The following ACER2 variants were observed in gnomAD, a reference collection of about 807,000 sequenced individuals.
ACER2 encodes alkaline ceramidase 2, also known as alkCDase 2.
In ACER2, 26 loss-of-function variants were observed where a neutral mutation model predicts 34.7. The ratio of observed to expected loss-of-function variants is 0.75; its 90% confidence interval spans 0.55 to 1.04. The LOEUF (loss-of-function observed/expected upper bound fraction) is 1.04. Among genes scored for constraint, ACER2 ranks in the 50% least tolerant of loss-of-function variants. The probability of loss-of-function intolerance (pLI) is 0.00; values close to 1 mark genes in which losing one functional copy is unlikely to be tolerated. For synonymous variants in ACER2, 138 were observed against 132.1 expected (o/e 1.04, Z -0.31); for missense variants, 352 against 340.8 (o/e 1.03, Z -0.26).
intron 1 of ACER2, among the ~76,000 whole-genome samples, chr9:19,409,496 C>A (rs2132447295): frequency 6.6e-6 from 1 of 152,236 alleles, no homozygotes; most frequent in South Asian, 2.1e-4. Flanking sequence ...AGCCCATTCT[C>A]CTTGTTTGGG....
At chr9:19,442,991 C>T (rs1831208344) in intron 4 of ACER2, among the ~76,000 whole-genome samples, 1 of 150,214 alleles carries the variant, frequency 6.7e-6, no homozygotes, top group Non-Finnish European at 1.5e-5. Flanking sequence ...TGCCATCATG[C>T]CCGGCTAATT....
At chr9:19,440,075 C>G (rs1831102491) in intron 4 of ACER2, among the ~76,000 whole-genome samples, 1 of 152,174 alleles carries the variant, frequency 6.6e-6, no homozygotes, top group Admixed American at 6.5e-5. Context: ...AAATCCCTCT[C>G]TATAGGCTAT....
chr9:19,433,891 G>A (rs1830848372), intron 3 of ACER2, among the ~76,000 whole-genome samples: 2 of 151,884 alleles, frequency 1.3e-5, no homozygotes, highest in South Asian at 4.1e-4. Flanking sequence ...CCCGGACGGG[G>A]CGGCTGGCCG....
intron 4 of ACER2, among the ~76,000 whole-genome samples, chr9:19,444,191 T>C (rs938065446): frequency 2.2e-5 from 3 of 137,890 alleles, no homozygotes; most frequent in Non-Finnish European, 4.7e-5. Flanking sequence ...AAAAAGAAAG[T>C]CGCAAAAAAA....
intron 3 of ACER2, among the ~76,000 whole-genome samples, chr9:19,430,417 A>G (rs1830716407): frequency 6.6e-6 from 1 of 152,172 alleles, no homozygotes; most frequent in Non-Finnish European, 1.5e-5. Flanking sequence ...GCTGTCATCA[A>G]TCACAGTTTA....
At chr9:19,417,620 G>A (rs1253079981) in intron 1 of ACER2, among the ~76,000 whole-genome samples, 2 of 152,180 alleles carry the variant, frequency 1.3e-5, no homozygotes, top group Non-Finnish European at 2.9e-5. Flanking sequence ...ATGGGGAAAG[G>A]ATTCCCTATT....
chr9:19,418,243 TTGG>T (rs1267879601), intron 1 of ACER2, among the ~76,000 whole-genome samples: 2 of 152,180 alleles, frequency 1.3e-5, no homozygotes, highest in Non-Finnish European at 2.9e-5. Flanking sequence ...TTTTACACTG[TTGG>T]TGGGAGTGTA....
chr9:19,435,342 C>G (rs375573499), intron 4 of ACER2, among the ~76,000 whole-genome samples: 1 of 152,096 alleles, frequency 6.6e-6, no homozygotes, highest in Non-Finnish European at 1.5e-5. Flanking sequence ...CATCTCAGTA[C>G]CTAGATCAAG....
rs1831326574 is a variant in ACER2 at position 19,445,556 on chromosome 9, TGACATTTGA to T, written c.504-723_504-715del. ...TAGCATCAGGAAAAGGCTTACTGAG[TGACATTTGA>T]GCAAAGATTTACATGTGAGGGAAGA... On this transcript the variant is annotated intron_variant, in intron 4 of 5. Transcript: ENST00000340967. Among the ~76,000 whole-genome samples the T allele has an allele frequency of 2.6e-5, 4 of 152,168 alleles. 1 individual carries two copies. In the South Asian group the frequency reaches 8.3e-4, roughly 32 times the overall value.
chr9:19,412,241 T>C (rs1179419481), intron 1 of ACER2, among the ~76,000 whole-genome samples: 1 of 152,210 alleles, frequency 6.6e-6, no homozygotes, highest in Non-Finnish European at 1.5e-5. Context: ...GTAAAAGTAA[T>C]ATGATCATGG....
intron 4 of ACER2, among the ~76,000 whole-genome samples, chr9:19,439,923 GGA>G (rs1831094577): frequency 6.6e-6 from 1 of 151,952 alleles, no homozygotes; most frequent in African/African-American, 2.4e-5. Context: ...GTGGAGATGT[GGA>G]GATCACGCCA....
chr9:19,418,690 T>A (rs1003874403), intron 1 of ACER2, among the ~76,000 whole-genome samples: 1 of 151,838 alleles, frequency 6.6e-6, no homozygotes, highest in African/African-American at 2.4e-5. Context: ...ACCGGGGCCT[T>A]TTGAGGGGTA....
At chr9:19,447,771 T>G (rs1831415517) in intron 5 of ACER2, among the ~76,000 whole-genome samples, 1 of 152,194 alleles carries the variant, frequency 6.6e-6, no homozygotes, top group Admixed American at 6.5e-5. Flanking sequence ...TTCTGCTTTG[T>G]TTTTCAAAGT....
chr9:19,434,501 C>G (rs1449836722), intron 3 of ACER2, among the ~76,000 whole-genome samples: 2 of 152,242 alleles, frequency 1.3e-5, no homozygotes, highest in Non-Finnish European at 2.9e-5. Flanking sequence ...CTGAGTGAAC[C>G]AGACTCCGTC....
chr9:19,418,364 T>A (rs1039536241), intron 1 of ACER2, among the ~76,000 whole-genome samples: 8 of 152,194 alleles, frequency 5.3e-5, no homozygotes, highest in African/African-American at 1.9e-4. Context: ...CCCAAAGGAT[T>A]ATAAATCATT....
chr9:19,439,223 G>C (rs1423500653), intron 4 of ACER2, among the ~76,000 whole-genome samples: 1 of 152,164 alleles, frequency 6.6e-6, no homozygotes, highest in Non-Finnish European at 1.5e-5. Flanking sequence ...TTTCATGGCA[G>C]GTAAACTTTC....
chr9:19,428,776 G>GTTTTTTTT (rs10569579), intron 3 of ACER2, among the ~76,000 whole-genome samples: 5 of 77,892 alleles, frequency 6.4e-5, no homozygotes, highest in Non-Finnish European at 1.2e-4. Context: ...GGACAAGTGG[G>GTTTTTTTT]TTTTTTTTTT....
intron 1 of ACER2, among the ~76,000 whole-genome samples, chr9:19,423,386 G>C (rs1405671998): frequency 6.6e-6 from 1 of 152,146 alleles, no homozygotes; most frequent in African/African-American, 2.4e-5. Flanking sequence ...AAGTTCTCCT[G>C]ATTGTATATC....
intron 1 of ACER2, among the ~76,000 whole-genome samples, chr9:19,414,543 G>GAGGCTGAGGCTGGCAGATCACTTGAGCCC (rs1389344670): frequency 6.6e-6 from 1 of 152,162 alleles, no homozygotes; most frequent in Non-Finnish European, 1.5e-5. Flanking sequence ...AGTACTTTAG[G>GAGGCTGAGGCTGGCAGATCACTTGAGCCC]AGGCTGAGGC....
Sources: gnomAD v4.1 joint callset for allele counts (sites outside exome capture counted in the v4.1 genomes callset) on GRCh38, gnomAD v4.1.1 for gene constraint, MANE v1.5 for transcripts, NCBI Gene and HGNC (gene_info 2026-07-23, HGNC 2026-07-21) for gene names.